TRIM31: variants seen among roughly 807,000 people sequenced by gnomAD.
TRIM31 encodes the protein E3 ubiquitin-protein ligase TRIM31.
In TRIM31, 31 loss-of-function variants were observed where a neutral mutation model predicts 40.6. The observed-to-expected ratio is 0.76, with a 90% CI of 0.57 to 1.03. The LOEUF (loss-of-function observed/expected upper bound fraction) is 1.03, where lower values mean the gene tolerates loss of function less well. Among genes scored for constraint, TRIM31 ranks in the 50% least tolerant of loss-of-function variants. TRIM31 has a pLI of 0.00. For missense variants in TRIM31, 455 were observed against 497.5 expected, an observed-to-expected ratio of 0.91 and a Z score of 0.81; for synonymous variants, 164 against 193.9, an observed-to-expected ratio of 0.85 and a Z score of 1.28.
intron 4 of TRIM31, among the ~76,000 whole-genome samples, chr6:30,109,477 C>T (rs533093062): frequency 1.5e-4 from 23 of 152,322 alleles, no homozygotes; most frequent in Admixed American, 5.9e-4. Flanking sequence ...TAGACTTGCA[C>T]TGTCCAATAT....
chr6:30,110,321 T>C, intron 4 of TRIM31, 127 bp downstream of exon 4: 1 of 772,330 alleles, frequency 1.3e-6, no homozygotes, highest in East Asian at 2.5e-5. Context: ...ATATTGCTAT[T>C]GGACAGCACT....
Position 30,110,646 on chromosome 6 carries a change from G to A in TRIM31, c.546C>T (p.Leu182=). 6.2e-7 allele frequency: 1 copy of A among 1,614,198 alleles called. No individual in the cohort carries two copies. Among genetic ancestry groups the A allele is most frequent in the Non-Finnish European group, 8.5e-7 (1 of 1,180,038 alleles). Residue 182 remains leucine (L), a synonymous_variant, in exon 4 of 9, where the codon CTC becomes CTT. Transcript: ENST00000376734. ...DQVEHEKQRI[L]TEFELLHQVL... Reference sequence around the variant, plus strand: ...CTTGATGCAGGAGTTCAAATTCTGTGAGGATCCTTTGCTTCTCATGTTCTA... The same window carrying A: ...CTTGATGCAGGAGTTCAAATTCTGTAAGGATCCTTTGCTTCTCATGTTCTA...
intron 6 of TRIM31, among the ~76,000 whole-genome samples, chr6:30,106,203 C>T (rs1037318244): frequency 7.2e-5 from 11 of 152,194 alleles, no homozygotes; most frequent in African/African-American, 2.7e-4. Flanking sequence ...CTTGCAGCCC[C>T]AAGACAGCAC....
At chr6:30,110,426 A>G (rs1562045535) in intron 4 of TRIM31, 22 bp downstream of exon 4, 1 of 1,612,030 alleles carries the variant, frequency 6.2e-7, no homozygotes, top group African/African-American at 1.3e-5. Flanking sequence ...CCTCTCTGCA[A>G]TTCTGCCCCC....
chr6:30,110,560 G>T lies in TRIM31; in HGVS notation c.632C>A (p.Thr211Lys), dbSNP rs758629174. Residue 211 changes from threonine to lysine, a missense_variant, in exon 4 of 9, where the codon ACG (threonine) becomes AAG (lysine). By Grantham distance (78) the Thr-to-Lys change is moderately conservative (BLOSUM62 -1). Coordinates refer to ENST00000376734, the MANE Select transcript of TRIM31 (RefSeq NM_007028.5). ...SRIYWLGHEG[T>K]EAGKHYVAST... Reference sequence around the variant, plus strand: ...GGCAACATAGTGTTTCCCCGCTTCCGTTCCCTCATGACCCAGCCAGTAAAT... The same window carrying T: ...GGCAACATAGTGTTTCCCCGCTTCCTTTCCCTCATGACCCAGCCAGTAAAT... 3 of 1,614,106 alleles carry T rather than the reference G, an allele frequency of 1.9e-6. No homozygotes were observed. The highest frequency in any genetic ancestry group is 2.2e-5 in the South Asian group (2 of 91,084).
chr6:30,109,350 G>A (rs748967078), intron 4 of TRIM31, among the ~76,000 whole-genome samples: 3 of 152,216 alleles, frequency 2.0e-5, no homozygotes, highest in Non-Finnish European at 4.4e-5. Context: ...GCCAGGGCAG[G>A]AGAAAGGCTA....
At position 30,103,207 on chromosome 6, in the gene TRIM31, A is replaced by G. The variant is rs746412282; in HGVS notation, c.*329T>C. ...TGGTGCCTTCGGTAAACAGCTGCTT[A>G]AAGAGTGCGGGGACTGCTGCAGGGA... is the stretch of plus-strand genomic sequence containing the variant. On this transcript the variant is annotated 3_prime_UTR_variant, in exon 9 of 9. Coordinates refer to ENST00000376734, the MANE Select transcript of TRIM31 (RefSeq NM_007028.5). 4.7e-6 allele frequency: 2 copies of G among 423,718 alleles called. No homozygotes were observed. Among genetic ancestry groups the G allele is most frequent in the Non-Finnish European group, 8.6e-6 (2 of 232,710 alleles). The allele number at this position is 423,718 out of a possible 1,614,324, so 26.2% of individuals were successfully genotyped here.
intron 2 of TRIM31, chr6:30,112,166 A>T (rs1769396921): frequency 1.7e-6 from 1 of 587,060 alleles, no homozygotes; most frequent in Non-Finnish European, 2.9e-6. Context: ...TCTGAGTCAA[A>T]TTTTCACATC....
rs1431320315 is a variant in TRIM31, at chr6:30,112,518, C to T, written c.288G>A (p.Pro96=). The T allele has an allele frequency of 1.9e-6, 3 of 1,613,120 alleles. No homozygotes were observed. Among genetic ancestry groups the T allele is most frequent in the Non-Finnish European group, 1.7e-6 (2 of 1,180,038 alleles). Residue 96 remains proline, a synonymous_variant, in exon 2 of 9, where the codon CCG becomes CCA. Coordinates refer to ENST00000376734, the MANE Select transcript of TRIM31 (RefSeq NM_007028.5). ...AATAGTGGAACATCTCCTGGTGCCT[C>T]GGGCATGTAGCCTCTTTCCTTTTGG... The part of the protein sequence containing the change: ...VQSKRKEATC[P]RHQEMFHYFC...
intron 5 of TRIM31, chr6:30,108,647 G>A: frequency 2.7e-6 from 1 of 366,558 alleles, no homozygotes; most frequent in Non-Finnish European, 5.0e-6. Flanking sequence ...GGGATATGGG[G>A]CGGGAGTGAG....
At position 30,112,284 on chromosome 6, in the gene TRIM31, T is replaced by G; in HGVS notation, c.417+105A>C. ...GAGCTGCCCACTCAAGCCCAAGGGG[T>G]GGGGGCAATGGGGTGCAAACCCTCA... On this transcript the variant is annotated intron_variant, in intron 2 of 8. Transcript: ENST00000376734. 7 of 1,347,492 alleles carry G rather than the reference T, an allele frequency of 5.2e-6. No individual in the cohort carries two copies. The South Asian group carries it at 8.6e-5, about 16-fold the overall frequency. 83.5% of individuals were successfully genotyped at this position (1,347,492 alleles called of 1,614,324 possible).
chr6:30,108,914 AG>A, intron 5 of TRIM31, 111 bp downstream of exon 5: 1 of 1,121,740 alleles, frequency 8.9e-7, no homozygotes, highest in Non-Finnish European at 1.4e-6. Flanking sequence ...ATGCAGAGTT[AG>A]AGGTGGGTGG....
intron 6 of TRIM31, chr6:30,105,448 T>C (rs1768582381): frequency 2.4e-6 from 1 of 412,194 alleles, no homozygotes; most frequent in African/African-American, 2.0e-5. Context: ...AGCCCAGCAC[T>C]GTCCAGTATG....
Position 30,103,495 on chromosome 6 carries a change from G to A in TRIM31, c.*41C>T. On this transcript the variant is annotated 3_prime_UTR_variant, in exon 9 of 9. Coordinates refer to ENST00000376734, the MANE Select transcript of TRIM31 (RefSeq NM_007028.5). ...ACTCAGCGCCACTCTATGCTCCGAAGTCCGTGTAGCACCACCGCTCCCCGT... is the reference window on the plus strand; with the variant it reads ...ACTCAGCGCCACTCTATGCTCCGAAATCCGTGTAGCACCACCGCTCCCCGT... 3 of 1,608,784 alleles carry A rather than the reference G, an allele frequency of 1.9e-6. No homozygotes were observed. The highest frequency in any genetic ancestry group is 1.7e-6 in the Non-Finnish European group (2 of 1,177,604).
At chr6:30,107,992 G>C in intron 6 of TRIM31, 61 bp downstream of exon 6, 3 of 1,116,980 alleles carry the variant, frequency 2.7e-6, no homozygotes, top group South Asian at 1.3e-5. Flanking sequence ...TTTCAGTGGA[G>C]TGAGCAGGGA....
At position 30,103,557 on chromosome 6, in the gene TRIM31, A is replaced by G. The variant is rs760164546; in HGVS notation, c.1257T>C (p.Phe419=). The G allele has an allele frequency of 1.1e-5, 18 of 1,612,658 alleles. No individual in the cohort carries two copies. The highest frequency in any genetic ancestry group is 1.5e-5 in the Non-Finnish European group (18 of 1,179,798). Residue 419 remains phenylalanine, a synonymous_variant, in exon 9 of 9, where the codon TTT becomes TTC. Transcript: ENST00000376734. ...TGGCTTAGCTTGAAGGAACCTCACA[A>G]AACCAAGCCCGGATCGCTGTCAGCC... The part of the protein sequence containing the change: ...SEWLTAIRAW[F]CEVPSS
intron 3 of TRIM31, 41 bp from the exon 4 acceptor site, chr6:30,110,719 G>A (rs760370554): frequency 8.2e-6 from 13 of 1,585,830 alleles, no homozygotes; most frequent in South Asian, 1.1e-5. Context: ...GGATGGCCTC[G>A]AAGGTCCTTC....
In TRIM31 at chr6:30,112,242, C is replaced by T. The variant is rs923666773; in HGVS notation, c.417+147G>A. 6.0e-5 allele frequency: 48 copies of T among 799,220 alleles called. 1 individual carries two copies. The Admixed American group carries it at 7.5e-4, about 12-fold the overall frequency. 49.5% of individuals were successfully genotyped at this position (799,220 alleles called of 1,614,324 possible). On this transcript the variant is annotated intron_variant, in intron 2 of 8. Coordinates refer to ENST00000376734, the MANE Select transcript of TRIM31 (RefSeq NM_007028.5). ...GTTCCCCAGACTCAGCTCTTTGAAC[C>T]CACTGTGCCTGACTGCGAGCTGCCC...
Position 30,110,468 on chromosome 6 carries a change from G to A in TRIM31, c.724C>T (p.Pro242Ser). The change falls in exon 4 of 9, where the codon CCA becomes TCA. Residue 242 changes from proline to serine, a missense_variant. Transcript: ENST00000376734. ...VDSLKTKQNMPPRQLLEDIKV... is the reference protein window; with the variant it reads ...VDSLKTKQNMSPRQLLEDIKV... Reference sequence around the variant, plus strand: ...CTCACCTCCAGCAGCTGCCTGGGTGGCATGTTCTGCTTGGTCTTCAGGGAA... The same window carrying A: ...CTCACCTCCAGCAGCTGCCTGGGTGACATGTTCTGCTTGGTCTTCAGGGAA... 1 of 1,614,140 alleles carries A rather than the reference G, an allele frequency of 6.2e-7. No individual in the cohort carries two copies. The highest frequency in any genetic ancestry group is 1.1e-5 in the South Asian group (1 of 91,082).
Sources: allele counts gnomAD v4.1 joint callset (sites outside exome capture counted in the v4.1 genomes callset), GRCh38; gene constraint gnomAD v4.1.1; transcripts MANE v1.5; gene names NCBI Gene and HGNC (gene_info 2026-07-23, HGNC 2026-07-21).